MSH6: variants seen among roughly 807,000 people sequenced by gnomAD.
MSH6 encodes the protein DNA mismatch repair protein Msh6.
MSH6 carries 85 observed loss-of-function variants against 119.1 expected under a neutral mutation model. The ratio of observed to expected loss-of-function variants is 0.71; its 90% confidence interval spans 0.60 to 0.85. MSH6 has a LOEUF of 0.85. Ranked by LOEUF, MSH6 falls within the 40% of genes least tolerant of loss-of-function variation. The pLI is 0.00. For missense variants in MSH6, 2,163 were observed against 1,655.3 expected (o/e 1.31, Z -5.32); for synonymous variants, 830 against 586.9 (o/e 1.41, Z -5.99).
At position 47,788,906 on chromosome 2, in the gene MSH6, C is replaced by CTTTTTTTTTTTTTT. The variant is rs1491155839; in HGVS notation, c.261-2021_261-2020insTTTTTTTTTTTTTT. On this transcript the variant is annotated intron_variant, in intron 1 of 9. Transcript: ENST00000234420. ...GCTATTTCTTTCTTTCTTTCTTCTTCCTTTTTTTTTTTTTTGTTTTTTTTT... is the reference window on the plus strand; with the variant it reads ...GCTATTTCTTTCTTTCTTTCTTCTTCTTTTTTTTTTTTTTCTTTTTTTTTTTTTTGTTTTTTTTT... Among the ~76,000 whole-genome samples the CTTTTTTTTTTTTTT allele has an allele frequency of 7.6e-3, 120 of 15,806 alleles. 21 individuals carry two copies. The highest frequency in any genetic ancestry group is 0.025 in the East Asian group (20 of 796). The allele number at this position is 15,806 out of a possible 152,430, so 10.4% of individuals were successfully genotyped here. A position where few individuals can be genotyped will look rare whatever the true frequency, so the allele number is the denominator to read the frequency against.
chr2:47,790,888 C>G (rs776168071), intron 1 of MSH6, 39 bp from the exon 2 acceptor site: 2 of 1,599,570 alleles, frequency 1.3e-6, no homozygotes, highest in Non-Finnish European at 1.7e-6. Flanking sequence ...GAAACTTGAC[C>G]AAATATTAAC....
At position 47,798,888 on chromosome 2, in the gene MSH6, G is replaced by C. The variant is rs587781510; in HGVS notation, c.905G>C (p.Arg302Thr). 1.2e-5 allele frequency: 19 copies of C among 1,614,170 alleles called. No individual in the cohort carries two copies. In the Admixed American group the frequency reaches 2.8e-4, roughly 24 times the overall value. The change falls in exon 4 of 10, where the codon AGA becomes ACA. Residue 302 changes from arginine (R) to threonine (T), a missense_variant. Transcript: ENST00000234420. ...SPVKVARKRK[R>T]MVTGNGSLKR... The stretch of plus-strand genomic sequence containing the variant: ...GTCAAAGTTGCTCGAAAGCGGAAGA[G>C]AATGGTGACTGGAAATGGCTCTCTT...
chr2:47,783,646 A>T, intron 1 of MSH6, 153 bp downstream of exon 1: 1 of 735,958 alleles, frequency 1.4e-6, no homozygotes, highest in Non-Finnish European at 2.0e-6. Flanking sequence ...GAATGAGTGC[A>T]GGGGTCGAGT....
At chr2:47,805,271 C>T (rs2104515374) in intron 6 of MSH6, among the ~76,000 whole-genome samples, 1 of 151,678 alleles carries the variant, frequency 6.6e-6, no homozygotes, top group East Asian at 1.9e-4. Context: ...ACCTCTGCTT[C>T]CAGGTTCAAG....
chr2:47,810,050 G>C, downstream of MSH6: 1 of 491,914 alleles, frequency 2.0e-6, no homozygotes, highest in Non-Finnish European at 3.6e-6. Context: ...TATTCCTAGT[G>C]GTAATACAAG....
chr2:47,787,347 G>A (rs950738181), intron 1 of MSH6, among the ~76,000 whole-genome samples: 4 of 152,186 alleles, frequency 2.6e-5, no homozygotes, highest in Non-Finnish European at 4.4e-5. Flanking sequence ...GGAACAACTA[G>A]TAATTGACAT....
In MSH6 at chr2:47,791,060, C is replaced by T. The variant is rs587782101; in HGVS notation, c.394C>T (p.Gln132Ter). ...EKGKSVRVHVQFFDDSPTRGW... is the reference protein window; with the variant it reads ...EKGKSVRVHV ...AGGGAAATCAGTCCGTGTTCATGTA[C>T]AGTTTTTTGATGACAGCCCAACAAG... Residue 132 changes from glutamine (Q) to a stop codon, truncating the protein, a stop_gained, in exon 2 of 10, where the codon CAG becomes TAG. Transcript: ENST00000234420. LOFTEE classifies it high-confidence loss of function. The T allele has an allele frequency of 6.2e-7, 1 of 1,614,162 alleles. No individual in the cohort carries two copies. Among genetic ancestry groups the T allele is most frequent in the South Asian group, 1.1e-5 (1 of 91,086 alleles).
downstream of MSH6, chr2:47,807,840 G>T: frequency 3.3e-6 from 1 of 304,234 alleles, no homozygotes; most frequent in Admixed American, 4.6e-5. Context: ...CAGCTTTTCA[G>T]AAGTTGGTAT....
chr2:47,796,086 T>C, intron 3 of MSH6, 23 bp downstream of exon 3: 1 of 1,612,778 alleles, frequency 6.2e-7, no homozygotes, highest in Non-Finnish European at 8.5e-7. Flanking sequence ...AAGCATTCAG[T>C]TGTTATTTAT....
Position 47,795,385 on chromosome 2 carries a change from G to A in MSH6, c.458-509G>A, listed in dbSNP as rs556222101. Among the ~76,000 whole-genome samples, 38 of 150,276 alleles carry A rather than the reference G, an allele frequency of 2.5e-4. No homozygotes were observed. Among genetic ancestry groups the A allele is most frequent in the Non-Finnish European group, 5.0e-4 (34 of 67,478 alleles). ...ATTCTTGTTCATTAGGGCAAATGTTGTAGGTTGAGTCAAGTGTCCAGCCAA... is the reference window on the plus strand; with the variant it reads ...ATTCTTGTTCATTAGGGCAAATGTTATAGGTTGAGTCAAGTGTCCAGCCAA... On this transcript the variant is annotated intron_variant, in intron 2 of 9. Coordinates refer to ENST00000234420, the MANE Select transcript of MSH6 (RefSeq NM_000179.3).
rs1251938412 is a variant in MSH6, at chr2:47,791,048, C to T, written c.382C>T (p.Arg128Cys). The T allele has an allele frequency of 3.7e-6, 6 of 1,614,158 alleles. No homozygotes were observed. Among genetic ancestry groups the T allele is most frequent in the Middle Eastern group, 1.6e-4 (1 of 6,062 alleles). Residue 128 changes from arginine (R) to cysteine (C), a missense_variant, in exon 2 of 10, where the codon CGT (arginine) becomes TGT (cysteine). Coordinates refer to ENST00000234420, the MANE Select transcript of MSH6 (RefSeq NM_000179.3). ...TFIREKGKSVRVHVQFFDDSP... is the reference protein window; with the variant it reads ...TFIREKGKSVCVHVQFFDDSP... Reference sequence around the variant, plus strand: ...CATCCGCGAGAAAGGGAAATCAGTCCGTGTTCATGTACAGTTTTTTGATGA... The same window carrying T: ...CATCCGCGAGAAAGGGAAATCAGTCTGTGTTCATGTACAGTTTTTTGATGA...
chr2:47,803,725 G>C (rs1558388004), intron 5 of MSH6, 40 bp downstream of exon 5: 2 of 1,611,320 alleles, frequency 1.2e-6, no homozygotes. Flanking sequence ...AAAGTCATTT[G>C]TGACATTAGG....
chr2:47,804,026 CTTAAA>C (rs1558388244), intron 5 of MSH6, among the ~76,000 whole-genome samples: 1 of 152,126 alleles, frequency 6.6e-6, no homozygotes, highest in Non-Finnish European at 1.5e-5. Flanking sequence ...CAGGTTTATC[CTTAAA>C]TTAGACTCAT....
chr2:47,795,759 C>T, intron 2 of MSH6, 135 bp from the exon 3 acceptor site: 2 of 784,652 alleles, frequency 2.5e-6, no homozygotes, highest in East Asian at 2.7e-5. Context: ...GCGTGAGCCA[C>T]CACACCTGGC....
chr2:47,804,797 T>G, intron 5 of MSH6, 113 bp from the exon 6 acceptor site: 1 of 813,980 alleles, frequency 1.2e-6, no homozygotes, highest in South Asian at 1.4e-5. Flanking sequence ...TACATGTGAT[T>G]GTGAAAGTTG....
intron 5 of MSH6, among the ~76,000 whole-genome samples, chr2:47,804,519 A>C (rs1054256941): frequency 3.7e-5 from 5 of 134,300 alleles, no homozygotes; most frequent in Non-Finnish European, 7.8e-5. Flanking sequence ...ATCACCTGAA[A>C]GAATGTGACA....
intron 2 of MSH6, among the ~76,000 whole-genome samples, chr2:47,791,689 T>G (rs1466250316): frequency 6.7e-6 from 1 of 150,144 alleles, no homozygotes; most frequent in South Asian, 2.1e-4. Context: ...TTTTTTTTTT[T>G]TTTTCTGGAG....
chr2:47,796,904 G>A (rs570131642), intron 3 of MSH6, among the ~76,000 whole-genome samples: 136 of 152,258 alleles, frequency 8.9e-4, no homozygotes, highest in African/African-American at 3.0e-3. Context: ...GAGGGACTTG[G>A]GAGGCAGAGG....
At position 47,806,838 on chromosome 2, in the gene MSH6, T is replaced by C. The variant is rs267608140; in HGVS notation, c.4061T>C (p.Leu1354Pro). ...GATGCTGAAGCTGTCCATAAATTGCTGACTTTGATTAAGGAATTATAGACT... is the reference window on the plus strand; with the variant it reads ...GATGCTGAAGCTGTCCATAAATTGCCGACTTTGATTAAGGAATTATAGACT... ...TVDAEAVHKL[L>P]TLIKEL Residue 1354 changes from leucine (L) to proline (P), a missense_variant, in exon 10 of 10, where the codon CTG becomes CCG. By Grantham distance (98) the Leu-to-Pro change is moderately conservative. Coordinates refer to ENST00000234420, the MANE Select transcript of MSH6 (RefSeq NM_000179.3). The C allele has an allele frequency of 2.2e-5, 36 of 1,612,512 alleles. No homozygotes were observed. The highest frequency in any genetic ancestry group is 3.1e-5 in the Non-Finnish European group (36 of 1,179,226).
Sources: gnomAD v4.1 joint callset for allele counts (sites outside exome capture counted in the v4.1 genomes callset) on GRCh38, gnomAD v4.1.1 for gene constraint, MANE v1.5 for transcripts, NCBI Gene and HGNC (gene_info 2026-07-23, HGNC 2026-07-21) for gene names.